The following TXLNB variants were observed in gnomAD, a reference collection of about 807,000 sequenced individuals.
The protein encoded by TXLNB is taxilin beta.
In TXLNB, 37 loss-of-function variants were observed where a neutral mutation model predicts 57.4. The observed-to-expected ratio is 0.64, with a 90% CI of 0.50 to 0.85. The LOEUF is 0.85. Among genes scored for constraint, TXLNB ranks in the 40% least tolerant of loss-of-function variants. The pLI is 0.00. For synonymous variants in TXLNB, 302 were observed against 309.6 expected (o/e 0.98, Z 0.26); for missense variants, 848 against 825.6 (o/e 1.03, Z -0.33).
the TXLNB span, among the ~76,000 whole-genome samples, chr6:139,310,787 C>T: frequency 2.0e-5 from 3 of 152,194 alleles, no homozygotes; most frequent in Non-Finnish European, 4.4e-5. Context: ...CTCCGCCTCC[C>T]GGATTCAAGT....
the TXLNB span, among the ~76,000 whole-genome samples, chr6:139,235,058 T>A: frequency 6.6e-6 from 1 of 152,236 alleles, no homozygotes; most frequent in South Asian, 2.1e-4. Context: ...TAGGCTTACA[T>A]GGAACCTGTA....
intron 2 of TXLNB, among the ~76,000 whole-genome samples, chr6:139,286,443 T>A (rs1777176830): frequency 6.6e-6 from 1 of 151,288 alleles, no homozygotes; most frequent in Non-Finnish European, 1.5e-5. Context: ...AGTTTATTAC[T>A]CTCTCAGAGA....
the TXLNB span, among the ~76,000 whole-genome samples, chr6:139,172,206 A>G: frequency 6.6e-6 from 1 of 152,050 alleles, no homozygotes; most frequent in African/African-American, 2.4e-5. Context: ...TCAAATGATC[A>G]TCCCATTTCA....
chr6:139,189,570 A>T, the TXLNB span, among the ~76,000 whole-genome samples: 1 of 152,232 alleles, frequency 6.6e-6, no homozygotes, highest in African/African-American at 2.4e-5. Flanking sequence ...AGGAAATAAG[A>T]AAGGTCTGAA....
Position 139,255,644 on chromosome 6 carries a change from A to C in TXLNB, c.1003-6T>G. ...TCTGCTGCCTGGTTCAGCAACTATG[A>C]GAAGAGAGAGTGTGTGGAAAGATGG... On this transcript the variant is annotated splice_region_variant and splice_polypyrimidine_tract_variant and intron_variant, in intron 6 of 9. Coordinates refer to ENST00000358430, the MANE Select transcript of TXLNB (RefSeq NM_153235.4). 6.2e-7 allele frequency: 1 copy of C among 1,612,204 alleles called. No homozygotes were observed. The highest frequency in any genetic ancestry group is 8.5e-7 in the Non-Finnish European group (1 of 1,178,582).
At chr6:139,210,138 G>T in the TXLNB span, among the ~76,000 whole-genome samples, 1 of 152,034 alleles carries the variant, frequency 6.6e-6, no homozygotes, top group African/African-American at 2.4e-5. Flanking sequence ...TGAGGAAAAT[G>T]CAAGTTAAAA....
In TXLNB at chr6:139,257,645, G is replaced by A. The variant is rs151075978; in HGVS notation, c.1003-2007C>T. On this transcript the variant is annotated intron_variant, in intron 6 of 9. Coordinates refer to ENST00000358430, the MANE Select transcript of TXLNB (RefSeq NM_153235.4). Reference sequence around the variant, plus strand: ...GAGATCAATCTGGCTAGTCAGTCTGGAGGCTATCAATTAAGAAGTTTCTCT... The same window carrying A: ...GAGATCAATCTGGCTAGTCAGTCTGAAGGCTATCAATTAAGAAGTTTCTCT... Among the ~76,000 whole-genome samples the A allele has an allele frequency of 6.0e-3, 920 of 152,172 alleles. 8 individuals are homozygous for A. The highest frequency in any genetic ancestry group is 0.021 in the African/African-American group (884 of 41,484).
At chr6:139,321,984 T>A in the TXLNB span, among the ~76,000 whole-genome samples, 1 of 151,230 alleles carries the variant, frequency 6.6e-6, no homozygotes, top group East Asian at 1.9e-4. Flanking sequence ...TTTTTTAAGA[T>A]AGGCAGAGTT....
At position 139,282,982 on chromosome 6, in the gene TXLNB, G is replaced by A. The variant is rs369425633; in HGVS notation, c.424+5494C>T. ...GCCCACATAATGTTGTCAAAGAAGT[G>A]ATAAATGAGAGATACCTCTGAGCCT... On this transcript the variant is annotated intron_variant, in intron 2 of 9. Coordinates refer to ENST00000358430, the MANE Select transcript of TXLNB (RefSeq NM_153235.4). 14 of 145,490 alleles carry A rather than the reference G, an allele frequency of 9.6e-5. 1 individual carries two copies. The highest frequency in any genetic ancestry group is 9.4e-4 in the Admixed American group (14 of 14,826). 9.0% of individuals were successfully genotyped at this position (145,490 alleles called of 1,614,324 possible). A position where few individuals can be genotyped will look rare whatever the true frequency, so the allele number is the denominator to read the frequency against.
chr6:139,304,002 A>G, the TXLNB span, among the ~76,000 whole-genome samples: 1 of 152,148 alleles, frequency 6.6e-6, no homozygotes, highest in South Asian at 2.1e-4. Flanking sequence ...CTAAAGTACT[A>G]TCAAAAAGAC....
intron 2 of TXLNB, among the ~76,000 whole-genome samples, chr6:139,281,084 G>T (rs148034597): frequency 2.2e-3 from 330 of 151,730 alleles, no homozygotes; most frequent in African/African-American, 7.5e-3. Flanking sequence ...TTATTATTTT[G>T]TGTGTGTGTG....
At chr6:139,258,742 A>C (rs555819622) in intron 6 of TXLNB, among the ~76,000 whole-genome samples, 5 of 152,352 alleles carry the variant, frequency 3.3e-5, no homozygotes, top group African/African-American at 1.2e-4. Flanking sequence ...CCAGCAACAG[A>C]TACATGCGTC....
At chr6:139,307,887 T>TA in the TXLNB span, among the ~76,000 whole-genome samples, 3 of 152,350 alleles carry the variant, frequency 2.0e-5, no homozygotes, top group East Asian at 5.8e-4. Flanking sequence ...GACGTGTTTT[T>TA]ACACAAATTT....
chr6:139,203,228 AATAT>A, the TXLNB span, among the ~76,000 whole-genome samples: 5 of 152,130 alleles, frequency 3.3e-5, no homozygotes, highest in African/African-American at 1.2e-4. Context: ...CCTTTGGATA[AATAT>A]ATTCTTATAT....
chr6:139,214,285 C>T, the TXLNB span, among the ~76,000 whole-genome samples: 26 of 152,200 alleles, frequency 1.7e-4, no homozygotes, highest in Non-Finnish European at 3.1e-4. Context: ...CCACCATGAT[C>T]AAGTGGGCTT....
chr6:139,316,638 T>C, the TXLNB span, among the ~76,000 whole-genome samples: 3 of 152,224 alleles, frequency 2.0e-5, no homozygotes, highest in East Asian at 5.8e-4. Flanking sequence ...ACAAGTATCA[T>C]TGAACAATCT....
chr6:139,285,036 G>A (rs6570326), intron 2 of TXLNB, among the ~76,000 whole-genome samples: 42,649 of 144,340 alleles, frequency 0.3, 13,248 homozygotes, highest in African/African-American at 0.69. Flanking sequence ...ACACACCTAG[G>A]TACTCTAATC....
At chr6:139,289,884 C>T (rs1396250768) in intron 1 of TXLNB, among the ~76,000 whole-genome samples, 1 of 152,120 alleles carries the variant, frequency 6.6e-6, no homozygotes, top group Non-Finnish European at 1.5e-5. Context: ...CATCTCTAAG[C>T]TCTATTTGAT....
chr6:139,255,599 C>T lies in TXLNB; in HGVS notation c.1042G>A (p.Val348Met), dbSNP rs17068451. ...AGGACTGTCTCTTGCTCCTTCAGCA[C>T]TTTCGCCTGAAGTTTCCACTCTGCT... is the stretch of plus-strand genomic sequence containing the variant. ...QAAEWKLQAKVLKEQETVLQA... is the reference protein window; with the variant it reads ...QAAEWKLQAKMLKEQETVLQA... Residue 348 changes from valine (V) to methionine (M), a missense_variant, in exon 7 of 10, where the codon GTG becomes ATG. Transcript: ENST00000358430. 0.16 allele frequency: 251,027 copies of T among 1,613,094 alleles called. 25,183 individuals carry two copies. Among genetic ancestry groups the T allele is most frequent in the African/African-American group, 0.49 (36,950 of 74,794 alleles).
Sources: gnomAD v4.1 joint callset for allele counts (sites outside exome capture counted in the v4.1 genomes callset) on GRCh38, gnomAD v4.1.1 for gene constraint, MANE v1.5 for transcripts, NCBI Gene and HGNC (gene_info 2026-07-23, HGNC 2026-07-21) for gene names.